Variants in PTPRG observed in about 807,000 individuals in gnomAD.
PTPRG encodes protein tyrosine phosphatase receptor type G.
A neutral mutation model predicts 165.3 loss-of-function variants in PTPRG; 102 were observed. The ratio of observed to expected loss-of-function variants is 0.62; its 90% CI spans 0.53 to 0.73. PTPRG has a LOEUF of 0.73. Ranked by LOEUF, PTPRG falls within the 30% of genes least tolerant of loss-of-function variation. PTPRG has a pLI of 0.00. For synonymous variants in PTPRG, 675 were observed against 669.5 expected, an observed-to-expected ratio of 1.01 and a Z score of -0.13; for missense variants, 1,866 against 1,861.4, an observed-to-expected ratio of 1.00 and a Z score of -0.05.
intron 6 of PTPRG, among the ~76,000 whole-genome samples, chr3:62,138,804 G>A (rs2366684): frequency 0.092 from 14,026 of 151,676 alleles, 951 homozygotes; most frequent in East Asian, 0.35. Flanking sequence ...GTATGTGTGC[G>A]TTATGTCCTG....
intron 2 of PTPRG, among the ~76,000 whole-genome samples, chr3:61,871,359 A>C (rs585943): frequency 5.3e-5 from 8 of 152,006 alleles, no homozygotes; most frequent in African/African-American, 1.5e-4. Flanking sequence ...TCCCAAGTAG[A>C]TGGGACCAAG....
At chr3:62,002,180 G>C (rs2041186427) in intron 3 of PTPRG, among the ~76,000 whole-genome samples, 1 of 152,186 alleles carries the variant, frequency 6.6e-6, no homozygotes, top group Admixed American at 6.5e-5. Context: ...ATATAGAGAA[G>C]TACTGAAACT....
chr3:62,076,063 C>T (rs1157609459), intron 4 of PTPRG, among the ~76,000 whole-genome samples: 6 of 152,076 alleles, frequency 3.9e-5, no homozygotes, highest in Non-Finnish European at 7.4e-5. Context: ...ATTGCTTGAG[C>T]TCAGTTACTC....
At chr3:61,885,167 A>G (rs1224348894) in intron 2 of PTPRG, among the ~76,000 whole-genome samples, 1 of 141,630 alleles carries the variant, frequency 7.1e-6, no homozygotes, top group Admixed American at 6.9e-5. Flanking sequence ...TTTTCACTCA[A>G]TTTGTAAATT....
rs780215852 is a variant in PTPRG at position 62,218,847 on chromosome 3, G to A, written c.2156-4G>A. 6 of 1,611,688 alleles carry A rather than the reference G, an allele frequency of 3.7e-6. No homozygotes were observed. The South Asian group carries it at 5.5e-5, about 15-fold the overall frequency. Reference sequence around the variant, plus strand: ...CCTCTAACTGGGATGATTTCTCTTGGCAGCGGAAAAAAACACCTCTGGAAT... The same window carrying A: ...CCTCTAACTGGGATGATTTCTCTTGACAGCGGAAAAAAACACCTCTGGAAT... On this transcript the variant is annotated splice_region_variant and splice_polypyrimidine_tract_variant and intron_variant, in intron 12 of 29. Coordinates refer to ENST00000474889, the MANE Select transcript of PTPRG (RefSeq NM_002841.4).
chr3:61,945,171 T>C (rs2039726137), intron 2 of PTPRG, among the ~76,000 whole-genome samples: 1 of 152,144 alleles, frequency 6.6e-6, no homozygotes, highest in Admixed American at 6.5e-5. Flanking sequence ...GGCCAACAAA[T>C]TGTAAGCAAA....
chr3:61,829,476 C>A (rs1427917755), intron 2 of PTPRG, among the ~76,000 whole-genome samples: 1 of 152,234 alleles, frequency 6.6e-6, no homozygotes, highest in Non-Finnish European at 1.5e-5. Context: ...CCTTAAACGA[C>A]ACCACCAGGG....
intron 2 of PTPRG, among the ~76,000 whole-genome samples, chr3:61,970,665 A>G (rs1461023460): frequency 6.9e-6 from 1 of 144,464 alleles, no homozygotes; most frequent in Non-Finnish European, 1.5e-5. Flanking sequence ...TTTTTTTTTA[A>G]GTGGATGTTC....
At chr3:62,284,351 T>TCC (rs2148892852) in intron 28 of PTPRG, among the ~76,000 whole-genome samples, 2 of 152,104 alleles carry the variant, frequency 1.3e-5, no homozygotes, top group South Asian at 4.2e-4. Flanking sequence ...TGAAAATATA[T>TCC]CCCCTCCAGA....
intron 2 of PTPRG, among the ~76,000 whole-genome samples, chr3:61,944,880 C>T (rs907172964): frequency 6.6e-6 from 1 of 152,138 alleles, no homozygotes; most frequent in African/African-American, 2.4e-5. Context: ...TGGCTTCCTC[C>T]CACCTGCACC....
chr3:61,581,777 T>C (rs1700301877), intron 1 of PTPRG, among the ~76,000 whole-genome samples: 1 of 151,720 alleles, frequency 6.6e-6, no homozygotes, highest in Non-Finnish European at 1.5e-5. Context: ...GCCCAGCTAA[T>C]TTTTATATTT....
At chr3:62,189,675 CGCCCCTCCTCACAG>C (rs1426382082) in intron 8 of PTPRG, among the ~76,000 whole-genome samples, 1 of 152,146 alleles carries the variant, frequency 6.6e-6, no homozygotes, top group East Asian at 1.9e-4. Flanking sequence ...TGGCCATTGC[CGCCCCTCCTCACAG>C]GCCCCCTCCT....
intron 1 of PTPRG, among the ~76,000 whole-genome samples, chr3:61,567,001 C>T (rs754312204): frequency 6.6e-6 from 1 of 152,128 alleles, no homozygotes; most frequent in Admixed American, 6.5e-5. Context: ...TTCCATAACC[C>T]GGAGCTTATG....
At chr3:62,062,829 A>G (rs1337070411) in intron 4 of PTPRG, among the ~76,000 whole-genome samples, 1 of 152,026 alleles carries the variant, frequency 6.6e-6, no homozygotes, top group East Asian at 1.9e-4. Context: ...TGCCCAGTTA[A>G]TTTTTGTAGA....
chr3:62,143,809 G>T (rs76362692), intron 6 of PTPRG, among the ~76,000 whole-genome samples: 1 of 152,120 alleles, frequency 6.6e-6, no homozygotes, highest in Non-Finnish European at 1.5e-5. Context: ...TGGCTCTCCA[G>T]TTTGGGAGCT....
intron 28 of PTPRG, among the ~76,000 whole-genome samples, chr3:62,289,714 A>G (rs1043615344): frequency 2.1e-5 from 3 of 140,928 alleles, no homozygotes; most frequent in African/African-American, 7.6e-5. Context: ...CCCCCCAAAA[A>G]AAACACTTAG....
At chr3:62,008,109 T>A (rs2041339069) in intron 4 of PTPRG, among the ~76,000 whole-genome samples, 1 of 152,218 alleles carries the variant, frequency 6.6e-6, no homozygotes, top group Non-Finnish European at 1.5e-5. Flanking sequence ...TCCTAAACTT[T>A]TTTCCTATTC....
intron 2 of PTPRG, chr3:61,753,585 GTTTTT>G (rs10640815): frequency 4.1e-5 from 15 of 365,238 alleles, no homozygotes; most frequent in East Asian, 2.7e-4. Context: ...AAATTTGAGG[GTTTTT>G]TTTTTTTTTT....
chr3:62,282,902 A>G, intron 28 of PTPRG, 33 bp downstream of exon 28: 1 of 1,565,912 alleles, frequency 6.4e-7, no homozygotes, highest in Non-Finnish European at 8.6e-7. Flanking sequence ...TAAAATGTAG[A>G]CCGTTTTTTT....
Sources: allele counts gnomAD v4.1 joint callset (sites outside exome capture counted in the v4.1 genomes callset), GRCh38; gene constraint gnomAD v4.1.1; transcripts MANE v1.5; gene names NCBI Gene and HGNC (gene_info 2026-07-23, HGNC 2026-07-21).